ZRANB3: variants seen among roughly 807,000 people sequenced by gnomAD.
ZRANB3 encodes DNA annealing helicase and endonuclease ZRANB3.
Under a neutral mutation model 133.8 loss-of-function variants are expected in ZRANB3, and 125 were observed. That is an observed-to-expected ratio of 0.93 (90% CI 0.81 to 1.08). The LOEUF (loss-of-function observed/expected upper bound fraction) is 1.08, where lower values mean the gene tolerates loss of function less well. Ranked by LOEUF, ZRANB3 falls within the 50% of genes least tolerant of loss-of-function variation. The pLI is 0.00. For missense variants in ZRANB3, 1,229 were observed against 1,275.5 expected (o/e 0.96, Z 0.56); for synonymous variants, 387 against 432.7 (o/e 0.89, Z 1.31).
In ZRANB3 at chr2:135,510,386, G is replaced by A. The variant is rs1414600378; in HGVS notation, c.-7-5890C>T. Among the ~76,000 whole-genome samples the A allele has an allele frequency of 2.0e-5, 3 of 152,146 alleles. No homozygotes were observed. The East Asian group carries it at 5.8e-4, about 29-fold the overall frequency. ...GTCAGGAAAGGGAAGAGAGGGAGAA[G>A]GAGCACACATCATTAACACACAAAA... On this transcript the variant is annotated intron_variant, in intron 1 of 20. Transcript: ENST00000264159.
At chr2:135,330,253 T>G (rs1473556695) in intron 6 of ZRANB3, among the ~76,000 whole-genome samples, 1 of 152,176 alleles carries the variant, frequency 6.6e-6, no homozygotes, top group Non-Finnish European at 1.5e-5. Context: ...TAGTTACAGT[T>G]TTTGGCATGA....
chr2:135,498,623 G>T (rs1158006106), intron 2 of ZRANB3, among the ~76,000 whole-genome samples: 2 of 152,208 alleles, frequency 1.3e-5, no homozygotes, highest in African/African-American at 4.8e-5. Context: ...AAGTCTGGCT[G>T]CCTGAGAGCC....
chr2:135,347,623 C>T (rs6707350), intron 5 of ZRANB3, among the ~76,000 whole-genome samples: 28,959 of 152,076 alleles, frequency 0.19, 3,682 homozygotes, highest in African/African-American at 0.34. Flanking sequence ...AATAAAATCG[C>T]TGGGTCATAC....
intron 2 of ZRANB3, among the ~76,000 whole-genome samples, chr2:135,424,390 CAA>C (rs1055174968): frequency 6.6e-6 from 1 of 151,942 alleles, no homozygotes; most frequent in South Asian, 2.1e-4. Context: ...AGAAAGAAAA[CAA>C]AATAAAAAAG....
chr2:135,379,758 G>C (rs550798386), intron 3 of ZRANB3, among the ~76,000 whole-genome samples: 1 of 152,120 alleles, frequency 6.6e-6, no homozygotes, highest in Non-Finnish European at 1.5e-5. Context: ...TCAATTAACA[G>C]GCAAAACAAC....
At position 135,230,506 on chromosome 2, in the gene ZRANB3, T is replaced by C. The variant is rs1367204673; in HGVS notation, c.1954+7A>G. The C allele has an allele frequency of 6.6e-7, 1 of 1,514,762 alleles. No individual in the cohort carries two copies. The highest frequency in any genetic ancestry group is 2.3e-5 in the Admixed American group (1 of 42,730). 93.8% of individuals were successfully genotyped at this position (1,514,762 alleles called of 1,614,324 possible). A position where few individuals can be genotyped will look rare whatever the true frequency, so the allele number is the denominator to read the frequency against. On this transcript the variant is annotated splice_region_variant and intron_variant, in intron 13 of 20. Transcript: ENST00000264159. The stretch of plus-strand genomic sequence containing the variant: ...CTTACCTCCATGGTCACCTTCTATA[T>C]ACTCACCAGCACTGCCTTGAGGAGT...
At chr2:135,363,686 A>G (rs2104890164) in intron 3 of ZRANB3, among the ~76,000 whole-genome samples, 1 of 152,294 alleles carries the variant, frequency 6.6e-6, no homozygotes, top group South Asian at 2.1e-4. Flanking sequence ...AAATGGGGGG[A>G]AAAAGTCCAA....
intron 2 of ZRANB3, among the ~76,000 whole-genome samples, chr2:135,440,134 A>C (rs924086007): frequency 1.3e-5 from 2 of 152,336 alleles, no homozygotes. Context: ...CTTATACTTC[A>C]AAAATTCCTC....
chr2:135,405,372 G>A (rs1170750439), intron 2 of ZRANB3, among the ~76,000 whole-genome samples: 3 of 152,144 alleles, frequency 2.0e-5, no homozygotes, highest in South Asian at 2.1e-4. Context: ...ATAAAAATGG[G>A]AGACTTTAAC....
intron 6 of ZRANB3, among the ~76,000 whole-genome samples, chr2:135,318,346 T>C (rs980419893): frequency 5.3e-5 from 8 of 151,796 alleles, no homozygotes; most frequent in Non-Finnish European, 8.8e-5. Context: ...TTCTTAATTC[T>C]CAATTCCTAC....
intron 8 of ZRANB3, among the ~76,000 whole-genome samples, chr2:135,285,232 A>G (rs1189965611): frequency 1.3e-5 from 2 of 151,984 alleles, no homozygotes; most frequent in East Asian, 3.9e-4. Flanking sequence ...ACCTTACAAC[A>G]CTCAAGTGGA....
chr2:135,445,093 G>A (rs1159573007), intron 2 of ZRANB3, among the ~76,000 whole-genome samples: 1 of 152,088 alleles, frequency 6.6e-6, no homozygotes, highest in Non-Finnish European at 1.5e-5. Context: ...GAAATATAGT[G>A]GTAACTGGAG....
chr2:135,420,793 GAT>G (rs1688812751), intron 2 of ZRANB3, among the ~76,000 whole-genome samples: 1 of 152,058 alleles, frequency 6.6e-6, no homozygotes, highest in Non-Finnish European at 1.5e-5. Context: ...ATTCAAAAGA[GAT>G]ATAAGTACTA....
At chr2:135,408,534 A>C (rs946178632) in intron 2 of ZRANB3, among the ~76,000 whole-genome samples, 10 of 152,236 alleles carry the variant, frequency 6.6e-5, no homozygotes, top group African/African-American at 1.9e-4. Flanking sequence ...ACGTATGTTT[A>C]TTGCGGCACT....
At chr2:135,353,812 C>A (rs1411651882) in intron 3 of ZRANB3, among the ~76,000 whole-genome samples, 184 bp from the exon 4 acceptor site, 1 of 151,918 alleles carries the variant, frequency 6.6e-6, no homozygotes, top group African/African-American at 2.4e-5. Flanking sequence ...ACCAGCCTGG[C>A]CAACATGGTG....
At chr2:135,397,185 A>G (rs1343611189) in intron 2 of ZRANB3, among the ~76,000 whole-genome samples, 2 of 152,042 alleles carry the variant, frequency 1.3e-5, no homozygotes, top group African/African-American at 2.4e-5. Flanking sequence ...GCTCATGATT[A>G]TAACCCCAGC....
intron 8 of ZRANB3, among the ~76,000 whole-genome samples, chr2:135,291,079 C>T (rs114381367): frequency 1.1e-4 from 17 of 152,224 alleles, no homozygotes; most frequent in Non-Finnish European, 2.9e-5. Flanking sequence ...CCAGGTTGCT[C>T]TTGAACTCGT....
chr2:135,338,381 GTC>G (rs1436312047), intron 6 of ZRANB3, among the ~76,000 whole-genome samples: 1 of 152,164 alleles, frequency 6.6e-6, no homozygotes, highest in Non-Finnish European at 1.5e-5. Flanking sequence ...CTGCAAACTG[GTC>G]TCTTCTTATA....
intron 1 of ZRANB3, among the ~76,000 whole-genome samples, chr2:135,518,108 C>T (rs566883907): frequency 7.3e-4 from 111 of 152,260 alleles, no homozygotes; most frequent in African/African-American, 2.5e-3. Context: ...TGCCCCTCCC[C>T]CTACCAAGCT....
Sources: gnomAD v4.1 joint callset for allele counts (sites outside exome capture counted in the v4.1 genomes callset) on GRCh38, gnomAD v4.1.1 for gene constraint, MANE v1.5 for transcripts, NCBI Gene and HGNC (gene_info 2026-07-23, HGNC 2026-07-21) for gene names.